DCLRE1A: variants seen among roughly 807,000 people sequenced by gnomAD.
DCLRE1A encodes the protein DNA cross-link repair 1A.
DCLRE1A carries 64 observed loss-of-function variants against 91.9 expected under a neutral mutation model. That is an observed-to-expected ratio of 0.70 (90% CI 0.57 to 0.86). DCLRE1A has a LOEUF of 0.86. DCLRE1A is among the 40% of genes least tolerant of loss of function. DCLRE1A has a pLI of 0.00. For missense variants in DCLRE1A, 1,145 were observed against 1,213.3 expected, an observed-to-expected ratio of 0.94 and a Z score of 0.84; for synonymous variants, 416 against 431.1, an observed-to-expected ratio of 0.96 and a Z score of 0.43.
chr10:113,852,132 C>A (rs1209241822), intron 1 of DCLRE1A, among the ~76,000 whole-genome samples: 1 of 152,282 alleles, frequency 6.6e-6, no homozygotes, highest in East Asian at 1.9e-4. Context: ...GTCAGGAGAT[C>A]GAGACCATCC....
At position 113,849,343 on chromosome 10, in the gene DCLRE1A, C is replaced by G; in HGVS notation, c.1762G>C (p.Val588Leu). The G allele has an allele frequency of 6.2e-7, 1 of 1,614,148 alleles. No homozygotes were observed. Among genetic ancestry groups the G allele is most frequent in the South Asian group, 1.1e-5 (1 of 91,074 alleles). Residue 588 changes from valine (V) to leucine (L), a missense_variant, in exon 2 of 9, where the codon GTT becomes CTT. Physicochemically the swap from Val to Leu is conservative, Grantham distance 32 (BLOSUM62 1). Transcript: ENST00000361384. ...SALEGINLNP[V>L]PSPNQKRSSQ... ...GACCTCTTTTGATTAGGACTTGGAA[C>G]TGGATTTAAGTTTATCCCTTCTAAT...
Position 113,850,349 on chromosome 10 carries a change from G to A in DCLRE1A, c.756C>T (p.Ile252=). The change falls in exon 2 of 9, where the codon ATC becomes ATT. Residue 252 remains isoleucine (I), a synonymous_variant. Coordinates refer to ENST00000361384, the MANE Select transcript of DCLRE1A (RefSeq NM_014881.5). ...ATTGTAGAGCTTGTTGGGATGTTTGGATATGAGTAGAAATCTTTTCACTGG... is the reference window on the plus strand; with the variant it reads ...ATTGTAGAGCTTGTTGGGATGTTTGAATATGAGTAGAAATCTTTTCACTGG... ...TEASEKISTH[I]QTSQQALQFT... 2 of 1,614,212 alleles carry A rather than the reference G, an allele frequency of 1.2e-6. No homozygotes were observed. The highest frequency in any genetic ancestry group is 1.7e-6 in the Non-Finnish European group (2 of 1,180,046).
In DCLRE1A at chr10:113,849,197, CTT is replaced by C; in HGVS notation, c.1906_1907del (p.Lys636GlufsTer3). 2 of 1,613,864 alleles carry C rather than the reference CTT, an allele frequency of 1.2e-6. No individual in the cohort carries two copies. Among genetic ancestry groups the C allele is most frequent in the Non-Finnish European group, 8.5e-7 (1 of 1,179,888 alleles). ...LSSERSQRQK[K>X]RCRKSNSLQE... ...GCAGTGAATTTGACTTTCTACATCT[CTT>C]TTTTTGACGCTGTGACCTCTCACTA... On this transcript the variant is annotated frameshift_variant, in exon 2 of 9. Transcript: ENST00000361384. LOFTEE classifies it high-confidence loss of function.
At position 113,849,605 on chromosome 10, in the gene DCLRE1A, A is replaced by C; in HGVS notation, c.1500T>G (p.Thr500=). ...SSENLNAKNN[T]NSACFCRKAL... ...CCTTTCTGCAGAAACATGCTGAGTT[A>C]GTATTATTCTTAGCATTCAAGTTCT... The change falls in exon 2 of 9, where the codon ACT becomes ACG. Residue 500 remains threonine (T), a synonymous_variant. Transcript: ENST00000361384. The C allele has an allele frequency of 6.2e-7, 1 of 1,614,080 alleles. No individual in the cohort carries two copies. Among genetic ancestry groups the C allele is most frequent in the Middle Eastern group, 1.7e-4 (1 of 6,048 alleles).
At chr10:113,848,109 C>T (rs1845571495) in intron 2 of DCLRE1A, among the ~76,000 whole-genome samples, 1 of 151,930 alleles carries the variant, frequency 6.6e-6, no homozygotes, top group Non-Finnish European at 1.5e-5. Context: ...GTCAGGAGAT[C>T]GAGACCATCC....
At chr10:113,843,320 T>C (rs1267082048) in intron 5 of DCLRE1A, among the ~76,000 whole-genome samples, 1 of 152,160 alleles carries the variant, frequency 6.6e-6, no homozygotes, top group African/African-American at 2.4e-5. Context: ...TTCAGAATCG[T>C]ATCAGAATAG....
chr10:113,849,307 T>C lies in DCLRE1A; in HGVS notation c.1798A>G (p.Lys600Glu). 3 of 1,614,214 alleles carry C rather than the reference T, an allele frequency of 1.9e-6. No homozygotes were observed. Among genetic ancestry groups the C allele is most frequent in the Non-Finnish European group, 1.7e-6 (2 of 1,180,036 alleles). The change falls in exon 2 of 9, where the codon AAG becomes GAG. Residue 600 changes from lysine (K) to glutamate (E), a missense_variant. Coordinates refer to ENST00000361384, the MANE Select transcript of DCLRE1A (RefSeq NM_014881.5). ...SPNQKRSSQC[K>E]RKAEKSLSDL... ...CTTAAAGATTTTTCTGCTTTCCTCT[T>C]GCACTGCGAGGACCTCTTTTGATTA...
intron 2 of DCLRE1A, among the ~76,000 whole-genome samples, chr10:113,847,661 C>A (rs1384053660): frequency 6.6e-6 from 1 of 152,126 alleles, no homozygotes; most frequent in Non-Finnish European, 1.5e-5. Context: ...TGCAAAACAG[C>A]AAAAGGAGAA....
At chr10:113,841,889 A>G (rs1385498099) in intron 6 of DCLRE1A, among the ~76,000 whole-genome samples, 1 of 152,248 alleles carries the variant, frequency 6.6e-6, no homozygotes, top group Non-Finnish European at 1.5e-5. Context: ...GTTTGATATA[A>G]TGTGGCCATA....
intron 1 of DCLRE1A, among the ~76,000 whole-genome samples, 174 bp from the exon 2 acceptor site, chr10:113,850,818 C>T (rs1396551831): frequency 6.6e-6 from 1 of 152,122 alleles, no homozygotes; most frequent in Non-Finnish European, 1.5e-5. Context: ...GTTTTAGATT[C>T]TATTCTAAGA....
chr10:113,852,822 A>T lies in DCLRE1A; in HGVS notation c.361T>A (p.Tyr121Asn). 6.2e-7 allele frequency: 1 copy of T among 1,614,208 alleles called. No individual in the cohort carries two copies. The highest frequency in any genetic ancestry group is 8.5e-7 in the Non-Finnish European group (1 of 1,180,022). The change falls in exon 1 of 9, where the codon TAC (tyrosine) becomes AAC (asparagine). Residue 121 changes from tyrosine (Y) to asparagine (N), a missense_variant. By Grantham distance (143) the Tyr-to-Asn change is moderately radical. Coordinates refer to ENST00000361384, the MANE Select transcript of DCLRE1A (RefSeq NM_014881.5). ...SPKIRPVYDG[Y>N]CPNCQMPFSS... ...AAAGGCATCTGGCAATTTGGACAGT[A>T]TCCATCATAAACTGGACGTATCTTT...
intron 7 of DCLRE1A, among the ~76,000 whole-genome samples, chr10:113,837,675 G>C (rs1845384477): frequency 6.6e-6 from 1 of 152,128 alleles, no homozygotes; most frequent in Non-Finnish European, 1.5e-5. Context: ...TTTTACAGCT[G>C]CTTAATAGCA....
Position 113,834,966 on chromosome 10 carries a change from C to T in DCLRE1A, c.*186G>A, listed in dbSNP as rs10567. The T allele has an allele frequency of 0.019, 10,901 of 577,882 alleles. 139 individuals are homozygous for T. The highest frequency in any genetic ancestry group is 0.025 in the Middle Eastern group (52 of 2,096). 35.8% of individuals were successfully genotyped at this position (577,882 alleles called of 1,614,324 possible). Reference sequence around the variant, plus strand: ...CCCAGGGAGACCCAGTTTCAGTTATCCTTGATGATGCTGAGAGGCATTCAG... The same window carrying T: ...CCCAGGGAGACCCAGTTTCAGTTATTCTTGATGATGCTGAGAGGCATTCAG... On this transcript the variant is annotated 3_prime_UTR_variant, in exon 9 of 9. Coordinates refer to ENST00000361384, the MANE Select transcript of DCLRE1A (RefSeq NM_014881.5).
intron 2 of DCLRE1A, among the ~76,000 whole-genome samples, chr10:113,847,706 G>A (rs538563809): frequency 4.4e-4 from 67 of 152,208 alleles, no homozygotes; most frequent in Non-Finnish European, 8.5e-4. Flanking sequence ...ATTCTCAATG[G>A]GGGCAGTATT....
chr10:113,850,587 G>T lies in DCLRE1A; in HGVS notation c.518C>A (p.Thr173Asn). 1 of 1,614,038 alleles carries T rather than the reference G, an allele frequency of 6.2e-7. No homozygotes were observed. Among genetic ancestry groups the T allele is most frequent in the Middle Eastern group, 1.6e-4 (1 of 6,062 alleles). The change falls in exon 2 of 9, where the codon ACT becomes AAT. Residue 173 changes from threonine to asparagine, a missense_variant. Coordinates refer to ENST00000361384, the MANE Select transcript of DCLRE1A (RefSeq NM_014881.5). Reference protein sequence around the residue: ...STIPFHYKRYTHFLLAQSRAG... With the variant: ...STIPFHYKRYNHFLLAQSRAG... Reference sequence around the variant, plus strand: ...CCTGCTTTGAGCTAGCAGGAAGTGAGTGTATCTCTTGTAATGAAAAGGAAT... The same window carrying T: ...CCTGCTTTGAGCTAGCAGGAAGTGATTGTATCTCTTGTAATGAAAAGGAAT...
At chr10:113,845,248 A>G (rs956136731) in intron 4 of DCLRE1A, among the ~76,000 whole-genome samples, 1 of 152,182 alleles carries the variant, frequency 6.6e-6, no homozygotes, top group Non-Finnish European at 1.5e-5. Context: ...CAAACCTTTA[A>G]TATCTAAAGC....
Position 113,853,344 on chromosome 10 carries a change from A to G in DCLRE1A, c.-162T>C, listed in dbSNP as rs1313012948. ...GGAATCTGCAGTGTTGGTAATGAAC[A>G]TATTGGCAAGCTACAAACCTTGTAC... On this transcript the variant is annotated 5_prime_UTR_variant, in exon 1 of 9. The change abolishes an upstream ATG in the 5' untranslated region. Coordinates refer to ENST00000361384, the MANE Select transcript of DCLRE1A (RefSeq NM_014881.5). 4 of 642,066 alleles carry G rather than the reference A, an allele frequency of 6.2e-6. No individual in the cohort carries two copies. The highest frequency in any genetic ancestry group is 1.9e-5 in the African/African-American group (1 of 53,864). The allele number at this position is 642,066 out of a possible 1,614,324, so 39.8% of individuals were successfully genotyped here.
Position 113,853,060 on chromosome 10 carries a change from T to C in DCLRE1A, c.123A>G (p.Gly41=), listed in dbSNP as rs755566451. Residue 41 remains glycine (G), a synonymous_variant, in exon 1 of 9, where the codon GGA becomes GGG. Transcript: ENST00000361384. The part of the protein sequence containing the change: ...ILKSVEKATD[G]KYQSKRSRNR... ...TTCTACTCCGTTTTGACTGGTATTT[T>C]CCATCTGTTGCTTTTTCAACAGATT... 3 of 1,613,688 alleles carry C rather than the reference T, an allele frequency of 1.9e-6. No homozygotes were observed. The highest frequency in any genetic ancestry group is 2.5e-6 in the Non-Finnish European group (3 of 1,179,960).
In DCLRE1A at chr10:113,850,641, C is replaced by G. The variant is rs771667505; in HGVS notation, c.464G>C (p.Cys155Ser). The change falls in exon 2 of 9, where the codon TGT becomes TCT. Residue 155 changes from cysteine (C) to serine (S), a missense_variant. Coordinates refer to ENST00000361384, the MANE Select transcript of DCLRE1A (RefSeq NM_014881.5). Reference sequence around the variant, plus strand: ...TGAGGTACACAGAAGACCATCAGGACACTCTGAAATTTTAATAAAGAAAAA... The same window carrying G: ...TGAGGTACACAGAAGACCATCAGGAGACTCTGAAATTTTAATAAAGAAAAA... ...LDSPPRSETE[C>S]PDGLLCTSTI... The G allele has an allele frequency of 3.8e-6, 6 of 1,578,234 alleles. No homozygotes were observed. In the Admixed American group the frequency reaches 1.1e-4, roughly 29 times the overall value.
Sources: allele counts gnomAD v4.1 joint callset (sites outside exome capture counted in the v4.1 genomes callset), GRCh38; gene constraint gnomAD v4.1.1; transcripts MANE v1.5; gene names NCBI Gene and HGNC (gene_info 2026-07-23, HGNC 2026-07-21).